Variants in GNAI2 observed in about 807,000 individuals in gnomAD.
GNAI2 encodes the protein guanine nucleotide-binding protein G(i) subunit alpha-2.
A neutral mutation model predicts 36.8 loss-of-function variants in GNAI2; 4 were observed. That is an observed-to-expected ratio of 0.11 (90% CI 0.05 to 0.25). The LOEUF (loss-of-function observed/expected upper bound fraction) is 0.25. Among genes scored for constraint, GNAI2 ranks in the 10% least tolerant of loss-of-function variants. The pLI, the probability that GNAI2 is intolerant of heterozygous loss-of-function variation, is 1.00. For synonymous variants in GNAI2, 194 were observed against 194.1 expected (o/e 1.00, Z 0.01); for missense variants, 230 against 481.3 (o/e 0.48, Z 4.89).
At chr3:50,227,254 AGGGGGATG>A (rs2109166316), upstream of GNAI2, 1 of 993,304 alleles carries the variant, frequency 1.0e-6, no homozygotes, top group Non-Finnish European at 1.4e-6. This position sits in a 1 kb window ranked among gnomAD's most constrained non-coding sequence, Gnocchi z 5.9. Context: ...GCGCGGGGCA[AGGGGGATG>A]GGGTGCCACA....
At chr3:50,249,470 C>T (rs1553702153) in intron 1 of GNAI2, among the ~76,000 whole-genome samples, 2 of 152,108 alleles carry the variant, frequency 1.3e-5, no homozygotes, top group Admixed American at 6.5e-5. Flanking sequence ...TTGCCATGCA[C>T]AGCCCAATGG....
In GNAI2 at chr3:50,236,525, G is replaced by A; in HGVS notation, c.118+72G>A. On this transcript the variant is annotated intron_variant, in intron 1 of 8. Transcript: ENST00000313601. The surrounding 1 kb of genome is among the most constrained non-coding windows in gnomAD (Gnocchi z 4.0). ...CCCAGACAAGGACTTTGACCTCCCAGACTAGGGCTTCAAACTCCCAGACCC... is the reference window on the plus strand; with the variant it reads ...CCCAGACAAGGACTTTGACCTCCCAAACTAGGGCTTCAAACTCCCAGACCC... The A allele has an allele frequency of 6.6e-7, 1 of 1,518,926 alleles. No individual in the cohort carries two copies. The highest frequency in any genetic ancestry group is 8.8e-7 in the Non-Finnish European group (1 of 1,141,870). The allele number at this position is 1,518,926 out of a possible 1,614,324, so 94.1% of individuals were successfully genotyped here.
At chr3:50,244,103 A>G (rs1457694544) in intron 1 of GNAI2, among the ~76,000 whole-genome samples, 1 of 141,130 alleles carries the variant, frequency 7.1e-6, no homozygotes, top group Non-Finnish European at 1.5e-5. Flanking sequence ...ATCTCGGCTC[A>G]CTGCAACCTC....
At chr3:50,249,023 AC>A in intron 1 of GNAI2, among the ~76,000 whole-genome samples, 1 of 151,866 alleles carries the variant, frequency 6.6e-6, no homozygotes, top group South Asian at 2.1e-4. Flanking sequence ...AAAAGGCCAG[AC>A]CCCCTCTTCA....
chr3:50,254,091 C>T (rs1700630908), intron 4 of GNAI2, among the ~76,000 whole-genome samples: 1 of 152,020 alleles, frequency 6.6e-6, no homozygotes, highest in African/African-American at 2.4e-5. Flanking sequence ...CTCGCTGGCC[C>T]TAGGCTGAGG....
chr3:50,252,196 C>T lies in GNAI2; in HGVS notation c.161+54C>T. 1 of 1,561,802 alleles carries T rather than the reference C, an allele frequency of 6.4e-7. No homozygotes were observed. Among genetic ancestry groups the T allele is most frequent in the Non-Finnish European group, 8.8e-7 (1 of 1,134,768 alleles). On this transcript the variant is annotated intron_variant, in intron 2 of 8. Coordinates refer to ENST00000313601, the MANE Select transcript of GNAI2 (RefSeq NM_002070.4). The surrounding 1 kb of genome is among the most constrained non-coding windows in gnomAD (Gnocchi z 4.1). ...CAAACTCCAGCTTCCCCTCTTCACCCTCTGGGCCTGCACTGCCCCCGACTA... is the reference window on the plus strand; with the variant it reads ...CAAACTCCAGCTTCCCCTCTTCACCTTCTGGGCCTGCACTGCCCCCGACTA...
chr3:50,229,888 T>C (rs1700042968), upstream of GNAI2: 1 of 152,212 alleles, frequency 6.6e-6, no homozygotes. Context: ...TACCATAGGG[T>C]TCTCAGCACA....
chr3:50,256,183 C>T lies in GNAI2; in HGVS notation c.465-9C>T, dbSNP rs1471494794. 3 of 1,497,450 alleles carry T rather than the reference C, an allele frequency of 2.0e-6. No individual in the cohort carries two copies. The highest frequency in any genetic ancestry group is 3.5e-5 in the Admixed American group (2 of 57,694). The allele number at this position is 1,497,450 out of a possible 1,614,324, so 92.8% of individuals were successfully genotyped here. A position where few individuals can be genotyped will look rare whatever the true frequency, so the allele number is the denominator to read the frequency against. ...GGCCCCCACTGACCCTCCCACCCCCCATCCCCAGCTACCTGAACGACCTGG... is the reference window on the plus strand; with the variant it reads ...GGCCCCCACTGACCCTCCCACCCCCTATCCCCAGCTACCTGAACGACCTGG... On this transcript the variant is annotated splice_polypyrimidine_tract_variant and intron_variant, in intron 4 of 8. Coordinates refer to ENST00000313601, the MANE Select transcript of GNAI2 (RefSeq NM_002070.4).
chr3:50,239,414 T>C (rs1700253557), intron 1 of GNAI2, among the ~76,000 whole-genome samples: 1 of 152,202 alleles, frequency 6.6e-6, no homozygotes, highest in African/African-American at 2.4e-5. Context: ...AACATCTGGC[T>C]CCCAGCGCTG....
chr3:50,252,336 G>A lies in GNAI2; in HGVS notation c.162-61G>A. The A allele has an allele frequency of 1.3e-6, 2 of 1,579,522 alleles. No individual in the cohort carries two copies. Among genetic ancestry groups the A allele is most frequent in the South Asian group, 2.2e-5 (2 of 90,292 alleles). On this transcript the variant is annotated intron_variant, in intron 2 of 8. Coordinates refer to ENST00000313601, the MANE Select transcript of GNAI2 (RefSeq NM_002070.4). This position sits in a 1 kb window ranked among gnomAD's most constrained non-coding sequence, Gnocchi z 4.1. ...TCTGAAGCAGGTCCCAGTAGCCCCA[G>A]GCAGCCGTGGGAACTCCCAGTGCCC...
chr3:50,236,195 G>A (rs897663722), upstream of GNAI2: 5 of 1,176,384 alleles, frequency 4.3e-6, no homozygotes, highest in East Asian at 3.9e-5. This position sits in a 1 kb window ranked among gnomAD's most constrained non-coding sequence, Gnocchi z 4.0. Context: ...TAGGGAAGGC[G>A]CCTCCCGCAG....
upstream of GNAI2, chr3:50,229,586 C>G (rs1354951834): frequency 1.3e-5 from 2 of 152,376 alleles, no homozygotes; most frequent in African/African-American, 4.8e-5. Flanking sequence ...CCAGTCTTCT[C>G]TTGCTCTCGC....
chr3:50,249,112 A>T (rs984898718), intron 1 of GNAI2, among the ~76,000 whole-genome samples: 3 of 152,052 alleles, frequency 2.0e-5, no homozygotes, highest in Non-Finnish European at 4.4e-5. Flanking sequence ...GGAAGCTTTC[A>T]CCCTAGACCT....
At chr3:50,246,962 C>A in intron 1 of GNAI2, 1 of 1,502,874 alleles carries the variant, frequency 6.7e-7, no homozygotes, top group Non-Finnish European at 8.9e-7. Context: ...CTGAATCAGC[C>A]TGTTAGCCGC....
intron 1 of GNAI2, among the ~76,000 whole-genome samples, chr3:50,249,505 C>A (rs1329232757): frequency 6.6e-6 from 1 of 152,062 alleles, no homozygotes; most frequent in Non-Finnish European, 1.5e-5. Flanking sequence ...TGGTATATAT[C>A]CCGGTACACA....
chr3:50,250,533 A>T (rs1700528846), intron 1 of GNAI2, among the ~76,000 whole-genome samples: 1 of 152,228 alleles, frequency 6.6e-6, no homozygotes, highest in African/African-American at 2.4e-5. Flanking sequence ...AGTGCCTGGC[A>T]GCTGCAGGTG....
intron 1 of GNAI2, chr3:50,251,606 G>A (rs782671331): frequency 4.8e-6 from 6 of 1,261,114 alleles, no homozygotes; most frequent in African/African-American, 1.5e-5. Flanking sequence ...GTGTGACGCT[G>A]TGCTCCTGCT....
In GNAI2 at chr3:50,236,413, C is replaced by T. The variant is rs1479813405; in HGVS notation, c.78C>T (p.Asp26=). 2 of 1,578,482 alleles carry T rather than the reference C, an allele frequency of 1.3e-6. No individual in the cohort carries two copies. The highest frequency in any genetic ancestry group is 1.8e-5 in the Admixed American group (1 of 54,272). The change falls in exon 1 of 9, where the codon GAC becomes GAT. Residue 26 remains aspartate, a synonymous_variant. Transcript: ENST00000313601. The surrounding 1 kb of genome is among the most constrained non-coding windows in gnomAD (Gnocchi z 4.0). ...TGATCGACAAGAACCTGCGGGAGGA[C>T]GGAGAGAAGGCGGCGCGGGAGGTGA... ...SKMIDKNLRE[D]GEKAAREVKL... is the part of the protein sequence containing the mutation.
intron 1 of GNAI2, among the ~76,000 whole-genome samples, chr3:50,248,695 G>A (rs1553702035): frequency 1.3e-5 from 2 of 152,136 alleles, no homozygotes; most frequent in Non-Finnish European, 2.9e-5. Context: ...CTAGGGATAG[G>A]GGCTCCATGA....
Sources: gnomAD v4.1 joint callset for allele counts (sites outside exome capture counted in the v4.1 genomes callset) on GRCh38, gnomAD v4.1.1 for gene constraint, Gnocchi (gnomAD v3.1) non-coding constraint, MANE v1.5 for transcripts, NCBI Gene and HGNC (gene_info 2026-07-23, HGNC 2026-07-21) for gene names.